The following GFI1 variants were observed in gnomAD, a reference collection of about 807,000 sequenced individuals.
GFI1 encodes growth factor independent 1 transcriptional repressor, also known as zinc finger protein Gfi-1.
A neutral mutation model predicts 39.2 loss-of-function variants in GFI1; 15 were observed. The observed-to-expected ratio is 0.38, with a 90% confidence interval of 0.26 to 0.59. GFI1 has a LOEUF of 0.59. GFI1 is among the 20% of genes least tolerant of loss of function. GFI1 has a pLI of 0.62. For missense variants in GFI1, 475 were observed against 574.0 expected (o/e 0.83, Z 1.76); for synonymous variants, 239 against 254.3 (o/e 0.94, Z 0.57).
chr1:92,478,786 AG>A, intron 5 of GFI1, 33 bp from the exon 6 acceptor site: 1 of 1,585,802 alleles, frequency 6.3e-7, no homozygotes, highest in Non-Finnish European at 8.6e-7. Flanking sequence ...AGAGAGAGAG[AG>A]AGAGAGATGC....
At position 92,481,959 on chromosome 1, in the gene GFI1, A is replaced by ACACACACAC. The variant is rs142757010; in HGVS notation, c.299-872_299-871insGTGTGTGTG. ...AATGTGTGTGTGTGTGTGTGCGCACAACACTCCAGTTCAGGCTGGCCACTT... is the reference window on the plus strand; with the variant it reads ...AATGTGTGTGTGTGTGTGTGCGCACACACACACACACACTCCAGTTCAGGCTGGCCACTT... On this transcript the variant is annotated intron_variant, in intron 3 of 6. Transcript: ENST00000294702. The surrounding 1 kb of genome is among the most constrained non-coding windows in gnomAD (Gnocchi z 4.3). 0.03 allele frequency among the ~76,000 whole-genome samples: 4,455 copies of ACACACACAC among 150,744 alleles called. 199 individuals carry two copies. The highest frequency in any genetic ancestry group is 0.094 in the African/African-American group (3,835 of 40,934).
At chr1:92,483,120 C>G (rs1658357062) in intron 2 of GFI1, 74 bp from the exon 3 acceptor site, 1 of 1,365,786 alleles carries the variant, frequency 7.3e-7, no homozygotes, top group Non-Finnish European at 9.9e-7. Context: ...CTCCCCCAAT[C>G]CCCCGACCAG....
rs757107078 is a variant in GFI1, at chr1:92,482,631, G to T, written c.298+233C>A. ...GCCAGCTCCGCGCAAACGAATCTAAGCGACAAGCAGCTAGGGTCCTGCCGC... is the reference window on the plus strand; with the variant it reads ...GCCAGCTCCGCGCAAACGAATCTAATCGACAAGCAGCTAGGGTCCTGCCGC... On this transcript the variant is annotated intron_variant, in intron 3 of 6. Transcript: ENST00000294702. The surrounding 1 kb of genome is among the most constrained non-coding windows in gnomAD (Gnocchi z 4.4). Among the ~76,000 whole-genome samples the T allele has an allele frequency of 8.0e-4, 122 of 152,344 alleles. No individual in the cohort carries two copies. The highest frequency in any genetic ancestry group is 1.5e-3 in the Non-Finnish European group (105 of 68,024).
chr1:92,483,317 G>T, intron 2 of GFI1, 56 bp downstream of exon 2: 2 of 964,464 alleles, frequency 2.1e-6, no homozygotes, highest in Non-Finnish European at 3.3e-6. Flanking sequence ...ATGGTGTGCC[G>T]AGGTGCAGTA....
At position 92,481,094 on chromosome 1, in the gene GFI1, G is replaced by A; in HGVS notation, c.299-6C>T. ...GCACATTGACTTCTCCGAGGCTGTG[G>A]AGGCACAAGGGGAGCGTCCGGTCAG... On this transcript the variant is annotated splice_polypyrimidine_tract_variant and splice_region_variant and intron_variant, in intron 3 of 6. Transcript: ENST00000294702. The surrounding 1 kb of genome is among the most constrained non-coding windows in gnomAD (Gnocchi z 4.3). 3 of 1,609,288 alleles carry A rather than the reference G, an allele frequency of 1.9e-6. No homozygotes were observed. The highest frequency in any genetic ancestry group is 1.7e-6 in the Non-Finnish European group (2 of 1,177,620).
rs1434447305 is a variant in GFI1, at chr1:92,483,570, C to T, written c.-83G>A. 12 of 816,376 alleles carry T rather than the reference C, an allele frequency of 1.5e-5. No individual in the cohort carries two copies. The allele number at this position is 816,376 out of a possible 1,614,324, so 50.6% of individuals were successfully genotyped here. A position where few individuals can be genotyped will look rare whatever the true frequency, so the allele number is the denominator to read the frequency against. ...CGGTCACTCCGAGGGCTTGCTCAGC[C>T]CCAGCCCGGAGGAGACCTGAGAGGG... On this transcript the variant is annotated 5_prime_UTR_variant, in exon 2 of 7. Transcript: ENST00000294702.
chr1:92,476,597 A>G (rs1657991834), intron 6 of GFI1, among the ~76,000 whole-genome samples: 1 of 152,260 alleles, frequency 6.6e-6, no homozygotes, highest in African/African-American at 2.4e-5. Flanking sequence ...AAGCTGTCCT[A>G]AAACCGTGTG....
rs1658155911 is a variant in GFI1, at chr1:92,480,231, A to G, written c.924+117T>C. On this transcript the variant is annotated intron_variant, in intron 5 of 6. Coordinates refer to ENST00000294702, the MANE Select transcript of GFI1 (RefSeq NM_005263.5). The surrounding 1 kb of genome is among the most constrained non-coding windows in gnomAD (Gnocchi z 5.6). ...GGGGACGCAGCGGAGGGCTTGGGGGAGGAAACTGGGGGAAGTCGAGGAGAA... is the reference window on the plus strand; with the variant it reads ...GGGGACGCAGCGGAGGGCTTGGGGGGGGAAACTGGGGGAAGTCGAGGAGAA... 3 of 1,158,544 alleles carry G rather than the reference A, an allele frequency of 2.6e-6. No individual in the cohort carries two copies. Among genetic ancestry groups the G allele is most frequent in the Non-Finnish European group, 3.7e-6 (3 of 807,810 alleles). 71.8% of individuals were successfully genotyped at this position (1,158,544 alleles called of 1,614,324 possible). A position where few individuals can be genotyped will look rare whatever the true frequency, so the allele number is the denominator to read the frequency against.
chr1:92,480,359 C>A lies in GFI1; in HGVS notation c.913G>T (p.Val305Leu), dbSNP rs780211643. 5 of 1,549,596 alleles carry A rather than the reference C, an allele frequency of 3.2e-6. No individual in the cohort carries two copies. In the African/African-American group the frequency reaches 4.1e-5, roughly 13 times the overall value. The stretch of plus-strand genomic sequence containing the variant: ...CGCCCCGCGCTTACCTGCGAGTGCA[C>A]GGCTTTGTGCTGCTCCAGGCTCACC... Reference protein sequence around the residue: ...HAVSLEQHKAVHSQERSFDCK... With the variant: ...HAVSLEQHKALHSQERSFDCK... Residue 305 changes from valine (V) to leucine (L), a missense_variant, in exon 5 of 7, where the codon GTG becomes TTG. By Grantham distance (32) the Val-to-Leu change is conservative. This residue lies in a region of GFI1 where 112 missense variants were observed against 202.8 expected (regional missense o/e 0.55). Coordinates refer to ENST00000294702, the MANE Select transcript of GFI1 (RefSeq NM_005263.5). This position sits in a 1 kb window ranked among gnomAD's most constrained non-coding sequence, Gnocchi z 5.6.
Position 92,483,223 on chromosome 1 carries a change from G to A in GFI1, c.115+150C>T, listed in dbSNP as rs1475190297. On this transcript the variant is annotated intron_variant, in intron 2 of 6. Transcript: ENST00000294702. ...CGCAGAGAGGCCATGGCACCTAGGAGACAAACCCGGAGGAACCAGGACAGT... is the reference window on the plus strand; with the variant it reads ...CGCAGAGAGGCCATGGCACCTAGGAAACAAACCCGGAGGAACCAGGACAGT... 2.5e-5 allele frequency: 18 copies of A among 727,060 alleles called. No individual in the cohort carries two copies. In the Admixed American group the frequency reaches 4.0e-4, roughly 16 times the overall value. The allele number at this position is 727,060 out of a possible 1,614,324, so 45.0% of individuals were successfully genotyped here. A position where few individuals can be genotyped will look rare whatever the true frequency, so the allele number is the denominator to read the frequency against.
Position 92,480,929 on chromosome 1 carries a change from A to G in GFI1, c.458T>C (p.Leu153Pro), listed in dbSNP as rs747773369. 1.3e-6 allele frequency: 2 copies of G among 1,565,146 alleles called. No individual in the cohort carries two copies. Residue 153 changes from leucine (L) to proline (P), a missense_variant, in exon 4 of 7, where the codon CTC (leucine) becomes CCC (proline). Around this residue, in one of 4 missense-constraint regions of GFI1, gnomAD observed 275 missense variants for 275.8 expected, o/e 1.00. Coordinates refer to ENST00000294702, the MANE Select transcript of GFI1 (RefSeq NM_005263.5). The surrounding 1 kb of genome is among the most constrained non-coding windows in gnomAD (Gnocchi z 5.6). ...AGGCTCCGGGGCGGGTTCGCAGAAG[A>G]GGCCCAGGCCAGCGCCACGCTCCAG... is the stretch of plus-strand genomic sequence containing the variant. ...GALERGAGLG[L>P]FCEPAPEPGH...
Position 92,483,494 on chromosome 1 carries a change from C to T in GFI1, c.-7G>A, listed in dbSNP as rs184691209. The T allele has an allele frequency of 2.0e-4, 308 of 1,550,276 alleles. 5 individuals carry two copies. The highest frequency in any genetic ancestry group is 6.6e-4 in the East Asian group (29 of 43,960). The stretch of plus-strand genomic sequence containing the variant: ...CGAGAAATGAGCGCGGCATGGTGGT[C>T]CGGCACTTTCCCCACTGCGCCCCAA... On this transcript the variant is annotated 5_prime_UTR_variant, in exon 2 of 7. Coordinates refer to ENST00000294702, the MANE Select transcript of GFI1 (RefSeq NM_005263.5).
chr1:92,475,982 G>A lies in GFI1; in HGVS notation c.*47C>T, dbSNP rs41296169. The A allele has an allele frequency of 7.4e-4, 1,158 of 1,568,986 alleles. 2 individuals are homozygous for A. The highest frequency in any genetic ancestry group is 9.0e-4 in the Non-Finnish European group (1,026 of 1,143,234). Reference sequence around the variant, plus strand: ...CAGAGTGGTGGCAAGCAGGGAGGCTGCCCTCTGTAGTGTTGTGTAGCTGCT... The same window carrying A: ...CAGAGTGGTGGCAAGCAGGGAGGCTACCCTCTGTAGTGTTGTGTAGCTGCT... On this transcript the variant is annotated 3_prime_UTR_variant, in exon 7 of 7. Transcript: ENST00000294702.
intron 5 of GFI1, 152 bp from the exon 6 acceptor site, chr1:92,478,905 G>A (rs1325651601): frequency 2.8e-5 from 29 of 1,052,542 alleles, no homozygotes; most frequent in African/African-American, 6.3e-5. Flanking sequence ...CTCCTCTGTC[G>A]CCCAGGCTTG....
At position 92,480,513 on chromosome 1, in the gene GFI1, C is replaced by A; in HGVS notation, c.787-28G>T. On this transcript the variant is annotated intron_variant, in intron 4 of 6. Transcript: ENST00000294702. The surrounding 1 kb of genome is among the most constrained non-coding windows in gnomAD (Gnocchi z 5.6). Reference sequence around the variant, plus strand: ...AAGGCGGGTGGGGCCAGAGAGAAGGCCGCTGAGAGGGGCCGCGGGGCGCAG... The same window carrying A: ...AAGGCGGGTGGGGCCAGAGAGAAGGACGCTGAGAGGGGCCGCGGGGCGCAG... 6.5e-7 allele frequency: 1 copy of A among 1,548,472 alleles called. No individual in the cohort carries two copies. The highest frequency in any genetic ancestry group is 1.2e-5 in the South Asian group (1 of 83,994).
At position 92,486,905 on chromosome 1, in the gene GFI1, G is replaced by C. The variant is rs1023090980; in HGVS notation, c.-279C>G. On this transcript the variant is annotated 5_prime_UTR_variant, in exon 1 of 7. Coordinates refer to ENST00000294702, the MANE Select transcript of GFI1 (RefSeq NM_005263.5). The stretch of plus-strand genomic sequence containing the variant: ...GCGCGGAGCTCGCCGGCTCTCGACC[G>C]GGTCCGCTCAGCCTTCGACTAATTT... The C allele has an allele frequency of 1.3e-5, 2 of 151,456 alleles. No homozygotes were observed. Among genetic ancestry groups the C allele is most frequent in the Non-Finnish European group, 1.5e-5 (1 of 67,854 alleles). 9.4% of individuals were successfully genotyped at this position (151,456 alleles called of 1,614,324 possible). A position where few individuals can be genotyped will look rare whatever the true frequency, so the allele number is the denominator to read the frequency against.
In GFI1 at chr1:92,480,675, T is replaced by G; in HGVS notation, c.712A>C (p.Lys238Gln). Reference protein sequence around the residue: ...GLHADKGAGVKVESELLCTRL... With the variant: ...GLHADKGAGVQVESELLCTRL... ...GTGCACAGCAGCTCCGACTCCACCT[T>G]GACGCCAGCGCCCTTGTCTGCGTGC... The change falls in exon 4 of 7, where the codon AAG (lysine) becomes CAG (glutamine). Residue 238 changes from lysine to glutamine, a missense_variant. Lys to Gln is a moderately conservative substitution (Grantham distance 53, BLOSUM62 1). Coordinates refer to ENST00000294702, the MANE Select transcript of GFI1 (RefSeq NM_005263.5). This position sits in a 1 kb window ranked among gnomAD's most constrained non-coding sequence, Gnocchi z 5.6. 1.3e-6 allele frequency: 2 copies of G among 1,596,250 alleles called. No individual in the cohort carries two copies. The highest frequency in any genetic ancestry group is 1.7e-6 in the Non-Finnish European group (2 of 1,177,912).
chr1:92,478,445 C>A, intron 6 of GFI1, 143 bp downstream of exon 6: 2 of 740,148 alleles, frequency 2.7e-6, no homozygotes, highest in Non-Finnish European at 2.3e-6. Flanking sequence ...AAAGAACCCA[C>A]CCCTTTGTTT....
At chr1:92,486,304 C>G (rs1658525137) in intron 1 of GFI1, among the ~76,000 whole-genome samples, 1 of 151,766 alleles carries the variant, frequency 6.6e-6, no homozygotes, top group Non-Finnish European at 1.5e-5. Context: ...AGTAGTCCTC[C>G]CAGTTCTCTC....
Sources: gnomAD v4.1 joint callset for allele counts (sites outside exome capture counted in the v4.1 genomes callset) on GRCh38, gnomAD v4.1.1 for gene constraint, gnomAD v4.1.1 regional missense constraint, Gnocchi (gnomAD v3.1) non-coding constraint, MANE v1.5 for transcripts, NCBI Gene and HGNC (gene_info 2026-07-23, HGNC 2026-07-21) for gene names.